The following GNG12 variants were observed in gnomAD, a reference collection of about 807,000 sequenced individuals.
The protein encoded by GNG12 is G protein subunit gamma 12.
For synonymous variants in GNG12, 28 were observed against 29.7 expected (o/e 0.94, Z 0.19); for missense variants, 69 against 83.8 (o/e 0.82, Z 0.69).
At chr1:67,756,052 T>C (rs1436102378) in intron 2 of GNG12, among the ~76,000 whole-genome samples, 1 of 152,144 alleles carries the variant, frequency 6.6e-6, no homozygotes, top group Non-Finnish European at 1.5e-5. Flanking sequence ...GCCCTGGGGC[T>C]CAGCCAGGTA....
intron 1 of GNG12, among the ~76,000 whole-genome samples, chr1:67,798,884 G>A (rs1213559579): frequency 5.3e-5 from 8 of 152,028 alleles, no homozygotes; most frequent in African/African-American, 1.5e-4. Context: ...AACCCGGGAG[G>A]TGGAGGTTGC....
intron 1 of GNG12, among the ~76,000 whole-genome samples, chr1:67,817,931 C>T (rs1277470696): frequency 6.6e-6 from 1 of 151,662 alleles, no homozygotes; most frequent in East Asian, 1.9e-4. Flanking sequence ...GGACTACAGG[C>T]ACATACCACT....
chr1:67,702,449 T>C lies in GNG12; in HGVS notation c.*3002A>G, dbSNP rs1212680184. 1 of 152,194 alleles carries C rather than the reference T, an allele frequency of 6.6e-6. No homozygotes were observed. Among genetic ancestry groups the C allele is most frequent in the Non-Finnish European group, 1.5e-5 (1 of 68,028 alleles). 9.4% of individuals were successfully genotyped at this position (152,194 alleles called of 1,614,324 possible). A position where few individuals can be genotyped will look rare whatever the true frequency, so the allele number is the denominator to read the frequency against. ...TGCCTCAAAATTACTAAATCATTGG[T>C]ATAAAGTTTTGGTTTTTTTCCTGAT... On this transcript the variant is annotated 3_prime_UTR_variant, in exon 4 of 4. Coordinates refer to ENST00000370982, the MANE Select transcript of GNG12 (RefSeq NM_018841.6).
At position 67,773,694 on chromosome 1, in the gene GNG12, A is replaced by G. The variant is rs539185572; in HGVS notation, c.-27+3764T>C. Among the ~76,000 whole-genome samples the G allele has an allele frequency of 1.8e-4, 27 of 152,322 alleles. No homozygotes were observed. The South Asian group carries it at 5.6e-3, about 32-fold the overall frequency. On this transcript the variant is annotated intron_variant, in intron 2 of 3. Coordinates refer to ENST00000370982, the MANE Select transcript of GNG12 (RefSeq NM_018841.6). Reference sequence around the variant, plus strand: ...CTGAGTCATAGTGTAGAATGACTTGAGAGTTGAGAGAAATAACATTCACAG... The same window carrying G: ...CTGAGTCATAGTGTAGAATGACTTGGGAGTTGAGAGAAATAACATTCACAG...
At chr1:67,831,739 C>T (rs1253187232) in intron 1 of GNG12, among the ~76,000 whole-genome samples, 1 of 152,040 alleles carries the variant, frequency 6.6e-6, no homozygotes, top group Non-Finnish European at 1.5e-5. Flanking sequence ...GTGTGAATAA[C>T]GTTAGTTTAC....
intron 1 of GNG12, among the ~76,000 whole-genome samples, chr1:67,806,526 T>C (rs2419046): frequency 0.33 from 49,505 of 151,848 alleles, 8,328 homozygotes; most frequent in Middle Eastern, 0.5. Flanking sequence ...TTTGGTTACA[T>C]GCAGGGCAGA....
At chr1:67,823,877 C>T (rs1646996916) in intron 1 of GNG12, among the ~76,000 whole-genome samples, 1 of 152,178 alleles carries the variant, frequency 6.6e-6, no homozygotes, top group African/African-American at 2.4e-5. Context: ...TAGCAAAAGA[C>T]TGGGAAACAG....
chr1:67,766,150 C>G (rs1053272314), intron 2 of GNG12, among the ~76,000 whole-genome samples: 4 of 101,486 alleles, frequency 3.9e-5, no homozygotes, highest in African/African-American at 1.6e-4. Context: ...ACACACACAC[C>G]CCTAAACAAT....
At chr1:67,777,011 G>C (rs1408326222) in intron 2 of GNG12, 1 of 152,090 alleles carries the variant, frequency 6.6e-6, no homozygotes. Flanking sequence ...TCACATTTAG[G>C]TGAGATGAGA....
chr1:67,784,391 C>T (rs913252918), intron 1 of GNG12, among the ~76,000 whole-genome samples: 7 of 126,700 alleles, frequency 5.5e-5, no homozygotes, highest in Non-Finnish European at 1.0e-4. Context: ...GGGTGCAGCG[C>T]ACCAGCATGG....
chr1:67,705,500 G>T lies in GNG12; in HGVS notation c.170C>A (p.Pro57Gln), dbSNP rs1263303138. Residue 57 changes from proline (P) to glutamine (Q), a missense_variant, in exon 4 of 4, where the codon CCA becomes CAA. Pro to Gln is a moderately conservative substitution (Grantham distance 76). Transcript: ENST00000370982. ...ARSDPLLIGI[P>Q]TSENPFKDKK... ...ATCCTTGAAAGGGTTTTCTGAAGTT[G>T]GTATTCCTATCAGCAAAGGGTCACT... 2 of 1,614,088 alleles carry T rather than the reference G, an allele frequency of 1.2e-6. No homozygotes were observed. The highest frequency in any genetic ancestry group is 1.3e-5 in the African/African-American group (1 of 75,032).
chr1:67,821,431 G>A (rs1646984123), intron 1 of GNG12, among the ~76,000 whole-genome samples: 1 of 152,220 alleles, frequency 6.6e-6, no homozygotes, highest in South Asian at 2.1e-4. Context: ...ACCAGAGGGA[G>A]ATCTCTAGGA....
chr1:67,783,549 A>G (rs1309681798), intron 1 of GNG12, among the ~76,000 whole-genome samples: 1 of 152,172 alleles, frequency 6.6e-6, no homozygotes, highest in Non-Finnish European at 1.5e-5. Context: ...AAAATGGGAG[A>G]AAATTTTTGC....
At chr1:67,709,633 C>T (rs1646269726) in intron 2 of GNG12, among the ~76,000 whole-genome samples, 1 of 150,770 alleles carries the variant, frequency 6.6e-6, no homozygotes, top group African/African-American at 2.4e-5. Context: ...GTCATCCCTG[C>T]CCCACCCAAA....
chr1:67,806,237 T>C (rs1479911715), intron 1 of GNG12, among the ~76,000 whole-genome samples: 1 of 152,148 alleles, frequency 6.6e-6, no homozygotes, highest in Non-Finnish European at 1.5e-5. Flanking sequence ...AAGTGAAGAA[T>C]GCATAAGTGA....
intron 2 of GNG12, among the ~76,000 whole-genome samples, chr1:67,772,179 G>A (rs986916856): frequency 3.9e-5 from 6 of 152,202 alleles, no homozygotes; most frequent in African/African-American, 1.4e-4. Flanking sequence ...AAGTGCATAT[G>A]TACAATTTTG....
intron 1 of GNG12, among the ~76,000 whole-genome samples, chr1:67,799,375 T>C (rs1178304957): frequency 6.6e-6 from 1 of 152,188 alleles, no homozygotes; most frequent in Admixed American, 6.5e-5. Context: ...CTTCACATCT[T>C]TACTGTACTT....
chr1:67,710,102 TTA>T (rs1306580882), intron 2 of GNG12, among the ~76,000 whole-genome samples: 1 of 20,406 alleles, frequency 4.9e-5, no homozygotes, highest in Non-Finnish European at 9.8e-5. Flanking sequence ...ATATATATAG[TTA>T]TATATATAGT....
At chr1:67,730,973 T>C (rs1207270806) in intron 2 of GNG12, among the ~76,000 whole-genome samples, 4 of 152,174 alleles carry the variant, frequency 2.6e-5, no homozygotes, top group Admixed American at 1.3e-4. Flanking sequence ...TGGTATTCCA[T>C]AGCATTCATC....
Sources: allele counts gnomAD v4.1 joint callset (sites outside exome capture counted in the v4.1 genomes callset), GRCh38; gene constraint gnomAD v4.1.1; transcripts MANE v1.5; gene names NCBI Gene and HGNC (gene_info 2026-07-23, HGNC 2026-07-21).